RBFOX1: variants seen among roughly 807,000 people sequenced by gnomAD.
RBFOX1 encodes RNA binding fox-1 homolog 1, also known as RNA binding protein fox-1 homolog 1.
In RBFOX1, 8 loss-of-function variants were observed where a neutral mutation model predicts 57.7. That is an observed-to-expected ratio of 0.14 (90% CI 0.08 to 0.25). RBFOX1 has a LOEUF of 0.25. Among genes scored for constraint, RBFOX1 ranks in the 10% least tolerant of loss-of-function variants. RBFOX1 has a pLI of 1.00. For missense variants in RBFOX1, 611 were observed against 548.5 expected, an observed-to-expected ratio of 1.11 and a Z score of -1.14; for synonymous variants, 326 against 222.4, an observed-to-expected ratio of 1.47 and a Z score of -4.15.
chr16:6,113,397 C>T (rs2152584674), intron 1 of RBFOX1, among the ~76,000 whole-genome samples: 1 of 152,274 alleles, frequency 6.6e-6, no homozygotes, highest in East Asian at 1.9e-4. Flanking sequence ...TTTAATACTA[C>T]TTCAGGGAAG....
intron 1 of RBFOX1, among the ~76,000 whole-genome samples, chr16:6,196,920 G>A (rs2097183561): frequency 6.6e-6 from 1 of 152,020 alleles, no homozygotes; most frequent in Non-Finnish European, 1.5e-5. Context: ...TCCAGTAGCT[G>A]AAGTTGTGTA....
At chr16:6,524,103 A>T (rs980811070) in intron 2 of RBFOX1, among the ~76,000 whole-genome samples, 1 of 152,028 alleles carries the variant, frequency 6.6e-6, no homozygotes, top group African/African-American at 2.4e-5. Flanking sequence ...TATTCATTCT[A>T]TTTCATGTAC....
Position 7,013,080 on chromosome 16 carries a change from T to G in RBFOX1, c.-15-38977T>G, listed in dbSNP as rs887298804. Among the ~76,000 whole-genome samples, 42 of 152,282 alleles carry G rather than the reference T, an allele frequency of 2.8e-4. 1 individual carries two copies. The highest frequency in any genetic ancestry group is 9.9e-4 in the African/African-American group (41 of 41,562). ...TAATCCCCTTATGAGGATCTTACTT[T>G]TATGATGTTATCTTCTCAAAAGTCC... On this transcript the variant is annotated intron_variant, in intron 3 of 15. Transcript: ENST00000550418.
At chr16:6,876,319 C>G (rs11640605) in intron 3 of RBFOX1, among the ~76,000 whole-genome samples, 35,700 of 152,040 alleles carry the variant, frequency 0.23, 4,779 homozygotes, top group Admixed American at 0.36. Context: ...ATTCAATGGA[C>G]AATGAATGAC....
intron 1 of RBFOX1, among the ~76,000 whole-genome samples, chr16:6,298,517 C>T (rs1047588012): frequency 6.6e-6 from 1 of 152,124 alleles, no homozygotes; most frequent in Non-Finnish European, 1.5e-5. Context: ...TGCTGGTAAG[C>T]CTTGATTTCT....
intron 4 of RBFOX1, among the ~76,000 whole-genome samples, chr16:7,223,116 G>T (rs11077152): frequency 0.28 from 42,012 of 152,068 alleles, 7,457 homozygotes; most frequent in East Asian, 0.66. Context: ...GTGAATAAAG[G>T]TAGCTCACCA....
chr16:5,569,250 C>A (rs989641881), intron 2 of RBFOX1, among the ~76,000 whole-genome samples: 1 of 151,774 alleles, frequency 6.6e-6, no homozygotes, highest in Non-Finnish European at 1.5e-5. Context: ...GACTGACCAA[C>A]CCCGGTGTAG....
At chr16:5,364,493 G>T (rs1467810572) in intron 1 of RBFOX1, among the ~76,000 whole-genome samples, 1 of 152,178 alleles carries the variant, frequency 6.6e-6, no homozygotes, top group Non-Finnish European at 1.5e-5. Flanking sequence ...TTACTTTCTT[G>T]GTTCCCGATG....
intron 3 of RBFOX1, among the ~76,000 whole-genome samples, chr16:6,822,664 C>G (rs920514225): frequency 2.0e-5 from 3 of 152,196 alleles, no homozygotes; most frequent in South Asian, 2.1e-4. Flanking sequence ...CATGCTAATT[C>G]ACTTTTACAC....
At chr16:6,607,403 C>A (rs1223638007) in intron 2 of RBFOX1, among the ~76,000 whole-genome samples, 1 of 141,456 alleles carries the variant, frequency 7.1e-6, no homozygotes, top group East Asian at 2.3e-4. Context: ...GCAGTTAGGT[C>A]TTTCAGTCTC....
At chr16:7,367,191 C>T (rs2097469086) in intron 4 of RBFOX1, among the ~76,000 whole-genome samples, 1 of 152,128 alleles carries the variant, frequency 6.6e-6, no homozygotes, top group African/African-American at 2.4e-5. Context: ...TGGGGAATGG[C>T]TGAGGCCCCC....
chr16:6,905,778 A>T (rs775754956), intron 3 of RBFOX1, among the ~76,000 whole-genome samples: 1 of 152,184 alleles, frequency 6.6e-6, no homozygotes, highest in Admixed American at 6.5e-5. Context: ...TTTTCAAGAG[A>T]CAGACTGAGC....
At chr16:5,708,543 T>C (rs796990907) in intron 3 of RBFOX1, among the ~76,000 whole-genome samples, 4 of 152,358 alleles carry the variant, frequency 2.6e-5, no homozygotes, top group African/African-American at 9.6e-5. Flanking sequence ...ATGTCATTTT[T>C]ATGAAAACAG....
At chr16:7,709,420 C>G in intron 15 of RBFOX1, 4 of 1,315,590 alleles carry the variant, frequency 3.0e-6, no homozygotes, top group Non-Finnish European at 4.0e-6. Flanking sequence ...AAATCCATCA[C>G]TAACAGAATG....
chr16:5,647,941 C>T (rs1181667367), intron 3 of RBFOX1, among the ~76,000 whole-genome samples: 1 of 152,210 alleles, frequency 6.6e-6, no homozygotes, highest in African/African-American at 2.4e-5. Flanking sequence ...CTCACTGCAA[C>T]ATCCACCTCC....
chr16:6,852,909 C>G (rs1445540864), intron 3 of RBFOX1, among the ~76,000 whole-genome samples: 2 of 152,190 alleles, frequency 1.3e-5, no homozygotes, highest in Non-Finnish European at 2.9e-5. Flanking sequence ...AAGGTGCATG[C>G]TGGGAACTAG....
At chr16:7,129,829 G>T (rs1323990686) in intron 4 of RBFOX1, among the ~76,000 whole-genome samples, 2 of 135,802 alleles carry the variant, frequency 1.5e-5, no homozygotes, top group Admixed American at 7.7e-5. Flanking sequence ...ACAGATAGAT[G>T]GATGATGGAT....
intron 1 of RBFOX1, among the ~76,000 whole-genome samples, chr16:6,190,357 C>G (rs1193939317): frequency 2.0e-5 from 3 of 152,138 alleles, no homozygotes; most frequent in African/African-American, 7.2e-5. Flanking sequence ...TATATAGTAT[C>G]AACAGAATTA....
intron 3 of RBFOX1, among the ~76,000 whole-genome samples, chr16:5,825,642 G>C (rs963368419): frequency 6.6e-6 from 1 of 152,140 alleles, no homozygotes; most frequent in Non-Finnish European, 1.5e-5. Flanking sequence ...TGACAGCGTT[G>C]TACAGCCATC....
Sources: allele counts gnomAD v4.1 joint callset (sites outside exome capture counted in the v4.1 genomes callset), GRCh38; gene constraint gnomAD v4.1.1; transcripts MANE v1.5; gene names NCBI Gene and HGNC (gene_info 2026-07-23, HGNC 2026-07-21).